Variants in RANBP2 observed in about 807,000 individuals in gnomAD.
RANBP2 encodes the protein E3 SUMO-protein ligase RanBP2.
RANBP2 carries 57 observed loss-of-function variants against 303.6 expected under a neutral mutation model. The ratio of observed to expected loss-of-function variants is 0.19; its 90% CI spans 0.15 to 0.23. The LOEUF (loss-of-function observed/expected upper bound fraction) is 0.23. RANBP2 is among the 10% of genes least tolerant of loss of function. The pLI is 1.00. For synonymous variants in RANBP2, 1,167 were observed against 1,301.5 expected (o/e 0.90, Z 2.23); for missense variants, 3,138 against 3,780.8 (o/e 0.83, Z 4.46).
At chr2:109,223,686 C>T in the RANBP2 span, among the ~76,000 whole-genome samples, 405 of 152,278 alleles carry the variant, frequency 2.7e-3, 2 homozygotes, top group African/African-American at 9.3e-3. Context: ...CTGCCCCCCA[C>T]GTGATGCTGC....
At chr2:109,031,536 C>A in the RANBP2 span, among the ~76,000 whole-genome samples, 1 of 152,234 alleles carries the variant, frequency 6.6e-6, no homozygotes, top group Non-Finnish European at 1.5e-5. Flanking sequence ...GCCCGCCTCG[C>A]CGGGCTGCAC....
At chr2:109,340,221 G>A in the RANBP2 span, among the ~76,000 whole-genome samples, 7 of 152,158 alleles carry the variant, frequency 4.6e-5, no homozygotes, top group African/African-American at 1.7e-4. Flanking sequence ...ACAAGTTACT[G>A]GACCTCACTG....
intron 1 of RANBP2, among the ~76,000 whole-genome samples, chr2:108,726,441 T>C (rs1330776033): frequency 1.3e-5 from 2 of 150,202 alleles, no homozygotes; most frequent in African/African-American, 4.9e-5. Context: ...TTTTTTTGTT[T>C]TTTTTTTTTT....
chr2:109,321,895 G>A, the RANBP2 span, among the ~76,000 whole-genome samples: 1 of 152,230 alleles, frequency 6.6e-6, no homozygotes, highest in Non-Finnish European at 1.5e-5. Context: ...TCCCAGTGTG[G>A]TCAGGACTTC....
the RANBP2 span, among the ~76,000 whole-genome samples, chr2:109,602,838 G>C: frequency 6.7e-6 from 1 of 149,954 alleles, no homozygotes; most frequent in Non-Finnish European, 1.5e-5. Context: ...AAAAGGGGAA[G>C]GAAGAGAAAT....
At chr2:108,908,034 G>A in the RANBP2 span, 8 of 1,604,076 alleles carry the variant, frequency 5.0e-6, no homozygotes, top group African/African-American at 1.3e-5. Flanking sequence ...AAAAACAAGA[G>A]CGATGGTCAT....
At chr2:108,857,037 T>G in the RANBP2 span, 1 of 563,574 alleles carries the variant, frequency 1.8e-6, no homozygotes, top group African/African-American at 2.0e-5. Flanking sequence ...CTTGTCTGCA[T>G]GTATAACTCC....
chr2:109,111,527 T>G, the RANBP2 span, among the ~76,000 whole-genome samples: 1 of 152,222 alleles, frequency 6.6e-6, no homozygotes, highest in South Asian at 2.1e-4. Flanking sequence ...CTTCAGCATT[T>G]CAGCAGAAGT....
At chr2:109,433,141 G>A in the RANBP2 span, among the ~76,000 whole-genome samples, 1 of 152,244 alleles carries the variant, frequency 6.6e-6, no homozygotes, top group East Asian at 1.9e-4. Flanking sequence ...TAAGCACAAG[G>A]TGTGTGCGTG....
chr2:109,201,884 T>TA, the RANBP2 span, among the ~76,000 whole-genome samples: 2 of 152,222 alleles, frequency 1.3e-5, 1 homozygote, highest in East Asian at 3.8e-4. Flanking sequence ...CTAAGCCTCC[T>TA]ACCAATGAGT....
At chr2:109,179,857 C>T in the RANBP2 span, among the ~76,000 whole-genome samples, 6 of 152,226 alleles carry the variant, frequency 3.9e-5, no homozygotes, top group Admixed American at 6.5e-5. Flanking sequence ...CACGCTGTCT[C>T]TTACCCCTCA....
the RANBP2 span, among the ~76,000 whole-genome samples, chr2:109,395,166 G>A: frequency 1.4e-4 from 21 of 152,370 alleles, no homozygotes; most frequent in East Asian, 2.5e-3. Flanking sequence ...AGGCCAGTGC[G>A]TGCGCTACTC....
At chr2:109,021,379 C>G in the RANBP2 span, among the ~76,000 whole-genome samples, 3 of 151,946 alleles carry the variant, frequency 2.0e-5, no homozygotes, top group Non-Finnish European at 4.4e-5. Flanking sequence ...AAAAAGTAGC[C>G]GGGCGTGGTG....
At chr2:108,769,500 C>G (rs1390289662) in intron 20 of RANBP2, among the ~76,000 whole-genome samples, 3 of 148,906 alleles carry the variant, frequency 2.0e-5, no homozygotes, top group Non-Finnish European at 4.4e-5. Flanking sequence ...TGACTGGTGG[C>G]ATGACACCCT....
At chr2:109,638,788 T>C in the RANBP2 span, among the ~76,000 whole-genome samples, 5 of 152,248 alleles carry the variant, frequency 3.3e-5, no homozygotes, top group East Asian at 9.6e-4. Flanking sequence ...CTGCAAAGAC[T>C]GAAAAAAAGA....
the RANBP2 span, among the ~76,000 whole-genome samples, chr2:109,226,501 A>G: frequency 5.4e-3 from 816 of 152,342 alleles, 11 homozygotes; most frequent in African/African-American, 0.019. Flanking sequence ...AACCAAAAAT[A>G]AACTGTAGCA....
At chr2:109,726,058 G>GGTGTGTGT in the RANBP2 span, among the ~76,000 whole-genome samples, 14,877 of 136,678 alleles carry the variant, frequency 0.11, 882 homozygotes, top group South Asian at 0.17. Flanking sequence ...TTTTGCTTTT[G>GGTGTGTGT]GTGTGTGTGT....
At chr2:109,729,169 A>G in the RANBP2 span, among the ~76,000 whole-genome samples, 1 of 152,216 alleles carries the variant, frequency 6.6e-6, no homozygotes, top group Non-Finnish European at 1.5e-5. Context: ...CAACTTTCCA[A>G]CTTATTTTTT....
chr2:109,365,462 C>G, the RANBP2 span, among the ~76,000 whole-genome samples: 35 of 152,284 alleles, frequency 2.3e-4, no homozygotes, highest in African/African-American at 7.9e-4. Flanking sequence ...GCCCTGTGAC[C>G]TCAGTTCTCT....
Sources: allele counts gnomAD v4.1 joint callset (sites outside exome capture counted in the v4.1 genomes callset), GRCh38; gene constraint gnomAD v4.1.1; transcripts MANE v1.5; gene names NCBI Gene and HGNC (gene_info 2026-07-23, HGNC 2026-07-21).